Variants in PAFAH1B1 observed in about 807,000 individuals in gnomAD.
The protein encoded by PAFAH1B1 is platelet-activating factor acetylhydrolase IB subunit beta.
A neutral mutation model predicts 57.5 loss-of-function variants in PAFAH1B1; 2 were observed. That is an observed-to-expected ratio of 0.03 (90% confidence interval 0.01 to 0.11). PAFAH1B1 has a LOEUF of 0.11. Ranked by LOEUF, PAFAH1B1 falls within the 10% of genes least tolerant of loss-of-function variation. The pLI is 1.00. For missense variants in PAFAH1B1, 257 were observed against 512.0 expected (o/e 0.50, Z 4.81); for synonymous variants, 152 against 169.6 (o/e 0.90, Z 0.81).
chr17:2,657,397 G>A (rs554452596), intron 2 of PAFAH1B1, among the ~76,000 whole-genome samples: 121 of 152,180 alleles, frequency 8.0e-4, no homozygotes, highest in African/African-American at 2.8e-3. Context: ...GGTGTCCACC[G>A]CCGTGCCCGG....
chr17:2,609,071 C>CT (rs2068237148), intron 1 of PAFAH1B1, among the ~76,000 whole-genome samples: 1 of 152,222 alleles, frequency 6.6e-6, no homozygotes, highest in Non-Finnish European at 1.5e-5. Flanking sequence ...CATAAAGTCT[C>CT]TATTTTCTGG....
chr17:2,612,195 T>A, intron 1 of PAFAH1B1, among the ~76,000 whole-genome samples: 1 of 151,950 alleles, frequency 6.6e-6, no homozygotes, highest in East Asian at 1.9e-4. Context: ...AATGTGCCAT[T>A]TTGGGAAAAT....
chr17:2,680,103 A>G, intron 9 of PAFAH1B1, 61 bp from the exon 10 acceptor site: 1 of 1,409,476 alleles, frequency 7.1e-7, no homozygotes, highest in South Asian at 1.2e-5. Context: ...TCGTATTATG[A>G]AATAGATGCT....
chr17:2,641,194 G>A (rs1038498841), intron 2 of PAFAH1B1: 11 of 152,024 alleles, frequency 7.2e-5, no homozygotes, highest in Admixed American at 1.3e-4. Context: ...CTATTACCCA[G>A]GCTGGAGTGC....
intron 2 of PAFAH1B1, among the ~76,000 whole-genome samples, chr17:2,649,884 A>G (rs1412672194): frequency 1.3e-5 from 2 of 152,246 alleles, no homozygotes; most frequent in East Asian, 3.8e-4. Context: ...AACAAAGTTC[A>G]AAGACATGCC....
intron 2 of PAFAH1B1, among the ~76,000 whole-genome samples, chr17:2,651,562 G>A (rs1312107755): frequency 2.7e-5 from 4 of 150,150 alleles, no homozygotes; most frequent in Non-Finnish European, 5.9e-5. Flanking sequence ...TCCAACTTGG[G>A]TAACAGAGTG....
chr17:2,628,614 G>A (rs1021478870), intron 1 of PAFAH1B1, among the ~76,000 whole-genome samples: 3 of 152,108 alleles, frequency 2.0e-5, no homozygotes, highest in Non-Finnish European at 4.4e-5. Context: ...AAATGAATTA[G>A]GGAGGGCTCC....
chr17:2,644,731 G>T (rs2068744150), intron 2 of PAFAH1B1, among the ~76,000 whole-genome samples: 1 of 152,090 alleles, frequency 6.6e-6, no homozygotes, highest in African/African-American at 2.4e-5. Flanking sequence ...AGGTATATGT[G>T]TTTTTTTAGT....
At chr17:2,620,211 G>A (rs1481005548) in intron 1 of PAFAH1B1, among the ~76,000 whole-genome samples, 1 of 152,158 alleles carries the variant, frequency 6.6e-6, no homozygotes, top group African/African-American at 2.4e-5. Flanking sequence ...GATTCCCCAA[G>A]CATTTGGTGA....
chr17:2,630,286 T>C (rs2068539494), intron 1 of PAFAH1B1, among the ~76,000 whole-genome samples: 2 of 152,168 alleles, frequency 1.3e-5, no homozygotes, highest in South Asian at 4.2e-4. Context: ...GTTTAGCAGT[T>C]CTTGTAATGG....
intron 1 of PAFAH1B1, among the ~76,000 whole-genome samples, chr17:2,621,260 GT>G (rs2068417729): frequency 6.6e-6 from 1 of 152,074 alleles, no homozygotes; most frequent in Non-Finnish European, 1.5e-5. Flanking sequence ...AGTGTGTGTG[GT>G]TTCCCTCTAT....
chr17:2,623,840 T>C (rs1353794936), intron 1 of PAFAH1B1, among the ~76,000 whole-genome samples: 1 of 147,076 alleles, frequency 6.8e-6, no homozygotes, highest in African/African-American at 2.5e-5. Context: ...GGTTTCACCA[T>C]GTTGGCCAGG....
At chr17:2,620,288 G>GT (rs1043721990) in intron 1 of PAFAH1B1, among the ~76,000 whole-genome samples, 4 of 152,096 alleles carry the variant, frequency 2.6e-5, no homozygotes, top group African/African-American at 4.8e-5. Flanking sequence ...TCTTGTAACT[G>GT]TAACATTCAC....
chr17:2,606,309 CAGAA>C (rs1461439189), intron 1 of PAFAH1B1, among the ~76,000 whole-genome samples: 3 of 152,116 alleles, frequency 2.0e-5, no homozygotes, highest in African/African-American at 7.2e-5. Flanking sequence ...TGTTACCTGT[CAGAA>C]AGCCTATCAT....
chr17:2,655,286 C>A (rs1002477786), intron 2 of PAFAH1B1, among the ~76,000 whole-genome samples: 1 of 151,490 alleles, frequency 6.6e-6, no homozygotes, highest in Non-Finnish European at 1.5e-5. Flanking sequence ...TGTTGACTTT[C>A]TGGAGAATTC....
At chr17:2,654,165 T>C (rs1206266443) in intron 2 of PAFAH1B1, among the ~76,000 whole-genome samples, 1 of 149,856 alleles carries the variant, frequency 6.7e-6, no homozygotes, top group Non-Finnish European at 1.5e-5. Context: ...AGCTTACATG[T>C]TGAGGTCCCT....
intron 2 of PAFAH1B1, among the ~76,000 whole-genome samples, chr17:2,643,311 G>T (rs1459430357): frequency 1.3e-5 from 2 of 152,068 alleles, no homozygotes; most frequent in Non-Finnish European, 2.9e-5. Context: ...GGAGAACGGG[G>T]TCTCGCTATA....
intron 1 of PAFAH1B1, among the ~76,000 whole-genome samples, chr17:2,622,008 C>G (rs1313699992): frequency 1.3e-5 from 2 of 152,080 alleles, no homozygotes; most frequent in Non-Finnish European, 2.9e-5. Flanking sequence ...ACAAGATAAT[C>G]CCATCCGATC....
At chr17:2,680,122 A>G (rs761896947) in intron 9 of PAFAH1B1, 42 bp from the exon 10 acceptor site, 2 of 1,576,434 alleles carry the variant, frequency 1.3e-6, no homozygotes, top group East Asian at 2.2e-5. Context: ...CTATTTAAAC[A>G]TTTTGCCTTT....
Sources: allele counts gnomAD v4.1 joint callset (sites outside exome capture counted in the v4.1 genomes callset), GRCh38; gene constraint gnomAD v4.1.1; transcripts MANE v1.5; gene names NCBI Gene and HGNC (gene_info 2026-07-23, HGNC 2026-07-21).